Variants in RBFOX1 observed in about 807,000 individuals in gnomAD.
RBFOX1 encodes RNA binding protein fox-1 homolog 1.
RBFOX1 carries 8 observed loss-of-function variants against 57.7 expected under a neutral mutation model. The observed-to-expected ratio is 0.14, with a 90% CI of 0.08 to 0.25. The LOEUF (loss-of-function observed/expected upper bound fraction) is 0.25. Ranked by LOEUF, RBFOX1 falls within the 10% of genes least tolerant of loss-of-function variation. RBFOX1 has a pLI of 1.00. For synonymous variants in RBFOX1, 326 were observed against 222.4 expected, an observed-to-expected ratio of 1.47 and a Z score of -4.15; for missense variants, 611 against 548.5, an observed-to-expected ratio of 1.11 and a Z score of -1.14.
At chr16:5,911,767 C>T (rs1320955728) in intron 4 of RBFOX1, among the ~76,000 whole-genome samples, 3 of 152,172 alleles carry the variant, frequency 2.0e-5, no homozygotes, top group Non-Finnish European at 4.4e-5. Context: ...GGTGCCTTTG[C>T]ACCATGTCTG....
At chr16:5,420,654 A>C (rs979153523) in intron 1 of RBFOX1, among the ~76,000 whole-genome samples, 10 of 151,932 alleles carry the variant, frequency 6.6e-5, no homozygotes, top group Non-Finnish European at 1.3e-4. Flanking sequence ...AGTCTGCAGG[A>C]CCCTGAGTTG....
At chr16:5,516,488 G>C (rs2043797235) in intron 2 of RBFOX1, among the ~76,000 whole-genome samples, 1 of 152,252 alleles carries the variant, frequency 6.6e-6, no homozygotes, top group African/African-American at 2.4e-5. Flanking sequence ...TGTTTAATAA[G>C]CATAATAATG....
chr16:7,391,245 C>A (rs2098012114), intron 4 of RBFOX1, among the ~76,000 whole-genome samples: 1 of 152,192 alleles, frequency 6.6e-6, no homozygotes, highest in Non-Finnish European at 1.5e-5. Flanking sequence ...CTAGGCCAGT[C>A]TCTTTTTAGA....
At chr16:6,361,628 T>TTAA (rs1371587081) in intron 2 of RBFOX1, among the ~76,000 whole-genome samples, 1 of 127,932 alleles carries the variant, frequency 7.8e-6, no homozygotes, top group African/African-American at 2.9e-5. Flanking sequence ...ACTCTGTCTC[T>TTAA]AAAAAAAAAA....
At chr16:6,805,037 C>G (rs1039603480) in intron 3 of RBFOX1, among the ~76,000 whole-genome samples, 57 of 152,194 alleles carry the variant, frequency 3.7e-4, no homozygotes, top group African/African-American at 1.3e-3. Context: ...AGTCCCATTA[C>G]TGGGTTTATA....
intron 1 of RBFOX1, among the ~76,000 whole-genome samples, chr16:5,299,160 T>C (rs1296573878): frequency 6.6e-6 from 1 of 152,124 alleles, no homozygotes; most frequent in East Asian, 1.9e-4. Context: ...CTTCTTGGGC[T>C]TTATTTAAAT....
At chr16:7,347,897 A>G (rs1215449377) in intron 4 of RBFOX1, among the ~76,000 whole-genome samples, 1 of 152,112 alleles carries the variant, frequency 6.6e-6, no homozygotes, top group Non-Finnish European at 1.5e-5. Context: ...GTGTATTGAT[A>G]GCCTTCAGTG....
intron 4 of RBFOX1, among the ~76,000 whole-genome samples, chr16:7,405,939 C>T (rs558468582): frequency 1.3e-5 from 2 of 152,256 alleles, no homozygotes; most frequent in East Asian, 3.9e-4. Flanking sequence ...GTTGTCACGA[C>T]TGGGCAGTTG....
In RBFOX1 at chr16:6,976,293, C is replaced by T. The variant is rs1372749217; in HGVS notation, c.-15-75764C>T. On this transcript the variant is annotated intron_variant, in intron 3 of 15. Transcript: ENST00000550418. ...CCTGTACTGAGAACAAGAATTTGAA[C>T]ACAGGCATTCTGGCTTTAGAGGCCA... Among the ~76,000 whole-genome samples the T allele has an allele frequency of 3.9e-5, 6 of 152,152 alleles. No homozygotes were observed. In the East Asian group the frequency reaches 7.7e-4, roughly 20 times the overall value.
intron 2 of RBFOX1, among the ~76,000 whole-genome samples, chr16:6,584,424 G>C (rs943787400): frequency 6.6e-6 from 1 of 150,778 alleles, no homozygotes; most frequent in Non-Finnish European, 1.5e-5. Flanking sequence ...CTAGAGTGCA[G>C]TGGCATGATC....
At chr16:6,074,902 A>G in intron 1 of RBFOX1, among the ~76,000 whole-genome samples, 1 of 152,068 alleles carries the variant, frequency 6.6e-6, no homozygotes, top group Admixed American at 6.6e-5. Context: ...GGACTTTGAG[A>G]CCAGCCTAGG....
At chr16:5,547,659 G>C (rs190987598) in intron 2 of RBFOX1, among the ~76,000 whole-genome samples, 3 of 152,144 alleles carry the variant, frequency 2.0e-5, no homozygotes, top group African/African-American at 7.2e-5. Context: ...ATTCATTAAC[G>C]GTGCCTTGAG....
chr16:7,610,847 A>G (rs1299336047), intron 10 of RBFOX1, among the ~76,000 whole-genome samples: 1 of 152,216 alleles, frequency 6.6e-6, no homozygotes, highest in Non-Finnish European at 1.5e-5. Flanking sequence ...AGGTATAATT[A>G]TTACTGTCAC....
rs931946422 is a variant in RBFOX1, at chr16:5,946,148, C to G, written c.351+78813C>G. Among the ~76,000 whole-genome samples the G allele has an allele frequency of 2.0e-5, 3 of 152,192 alleles. No individual in the cohort carries two copies. The highest frequency in any genetic ancestry group is 7.2e-5 in the African/African-American group (3 of 41,440). On this transcript the variant is annotated intron_variant, in intron 4 of 19. Transcript: ENST00000641259. This position sits in a 1 kb window ranked among gnomAD's most constrained non-coding sequence, Gnocchi z 4.6. The stretch of plus-strand genomic sequence containing the variant: ...TTTGTTAATAGACCACCACTCCTGT[C>G]CTAACATGGCAGGATGTGATGGAAA...
At chr16:6,605,278 A>G (rs1386829879) in intron 2 of RBFOX1, among the ~76,000 whole-genome samples, 2 of 152,174 alleles carry the variant, frequency 1.3e-5, no homozygotes, top group Non-Finnish European at 2.9e-5. Flanking sequence ...ACAATTAAAG[A>G]AATAAAAAAT....
At chr16:7,048,694 A>C (rs758353963) in intron 3 of RBFOX1, among the ~76,000 whole-genome samples, 4 of 152,152 alleles carry the variant, frequency 2.6e-5, no homozygotes, top group African/African-American at 4.8e-5. Flanking sequence ...TGATAATTCC[A>C]ACATCTTTGC....
chr16:5,475,143 T>G (rs1024951259), intron 2 of RBFOX1, among the ~76,000 whole-genome samples: 1 of 152,228 alleles, frequency 6.6e-6, no homozygotes, highest in Admixed American at 6.5e-5. Context: ...ATAGAGGAAT[T>G]TAGTGCAAAT....
chr16:5,318,452 C>T (rs1205064482), intron 1 of RBFOX1, among the ~76,000 whole-genome samples: 2 of 152,158 alleles, frequency 1.3e-5, no homozygotes, highest in Non-Finnish European at 2.9e-5. Context: ...CTAATCCAGC[C>T]GTTACCCATG....
chr16:5,676,139 A>G (rs1355052689), intron 3 of RBFOX1, among the ~76,000 whole-genome samples: 1 of 152,150 alleles, frequency 6.6e-6, no homozygotes, highest in East Asian at 1.9e-4. Context: ...TACCTAATTC[A>G]AGCAGGGCTT....
Sources: gnomAD v4.1 joint callset for allele counts (sites outside exome capture counted in the v4.1 genomes callset) on GRCh38, gnomAD v4.1.1 for gene constraint, Gnocchi (gnomAD v3.1) non-coding constraint, MANE v1.5 for transcripts, NCBI Gene and HGNC (gene_info 2026-07-23, HGNC 2026-07-21) for gene names.